Variants in FSHR observed in about 807,000 individuals in gnomAD.
FSHR encodes the protein follicle-stimulating hormone receptor.
Under a neutral mutation model 52.1 loss-of-function variants are expected in FSHR, and 46 were observed. That is an observed-to-expected ratio of 0.88 (90% CI 0.70 to 1.13). The LOEUF (loss-of-function observed/expected upper bound fraction) is 1.13, where lower values mean the gene tolerates loss of function less well. Ranked by LOEUF, FSHR falls within the 50% of genes most tolerant of loss-of-function variation. FSHR has a pLI of 0.00. For synonymous variants in FSHR, 399 were observed against 309.6 expected (o/e 1.29, Z -3.03); for missense variants, 964 against 834.6 (o/e 1.16, Z -1.91).
chr2:49,146,032 A>G (rs1467550910), intron 1 of FSHR, among the ~76,000 whole-genome samples: 1 of 152,064 alleles, frequency 6.6e-6, no homozygotes, highest in Non-Finnish European at 1.5e-5. Flanking sequence ...ATTTGAGGCC[A>G]AAATACAGAG....
chr2:49,097,257 A>C (rs1367051215), intron 1 of FSHR, among the ~76,000 whole-genome samples: 1 of 151,606 alleles, frequency 6.6e-6, no homozygotes, highest in Non-Finnish European at 1.5e-5. Flanking sequence ...ATTTTTTTTC[A>C]TTTGAGATTT....
intron 4 of FSHR, among the ~76,000 whole-genome samples, chr2:48,995,550 C>T (rs1020181985): frequency 6.6e-6 from 1 of 152,018 alleles, no homozygotes; most frequent in Non-Finnish European, 1.5e-5. Context: ...AACTTTAAAG[C>T]TAGTTAAAGA....
intron 2 of FSHR, among the ~76,000 whole-genome samples, chr2:49,031,168 A>G (rs913603528): frequency 4.6e-5 from 7 of 152,180 alleles, no homozygotes; most frequent in Admixed American, 3.9e-4. Flanking sequence ...AATGGCTCCT[A>G]TTGAGGATGG....
intron 1 of FSHR, among the ~76,000 whole-genome samples, chr2:49,127,858 TCTTCTTCTTCTTCTTCTTCTTCTTCTTC>T: frequency 2.8e-5 from 1 of 36,060 alleles, no homozygotes; most frequent in African/African-American, 2.3e-4. Context: ...TTCTTCTTCT[TCTTCTTCTTCTTCTTCTTCTTCTTCTTC>T]TTCTTCTTCT....
chr2:49,101,471 A>T (rs777315972), intron 1 of FSHR, among the ~76,000 whole-genome samples: 3 of 152,186 alleles, frequency 2.0e-5, no homozygotes, highest in Non-Finnish European at 2.9e-5. Context: ...GGGTACGATT[A>T]TAGCTAATTC....
intron 1 of FSHR, among the ~76,000 whole-genome samples, chr2:49,133,654 C>T (rs1012471680): frequency 1.3e-5 from 2 of 152,170 alleles, no homozygotes; most frequent in African/African-American, 4.8e-5. Context: ...CATCACACTA[C>T]CTGACTTCAA....
At chr2:49,055,282 C>T (rs1293869443) in intron 2 of FSHR, among the ~76,000 whole-genome samples, 1 of 150,476 alleles carries the variant, frequency 6.6e-6, no homozygotes, top group Non-Finnish European at 1.5e-5. Flanking sequence ...ATTGACCAAG[C>T]AGAAGAAAAA....
chr2:49,026,709 G>A (rs899360613), intron 2 of FSHR, among the ~76,000 whole-genome samples: 2 of 152,112 alleles, frequency 1.3e-5, no homozygotes, highest in African/African-American at 2.4e-5. Flanking sequence ...AAGGATGCCC[G>A]GTGCCCAACA....
At chr2:48,969,372 C>T (rs775289257) in intron 8 of FSHR, among the ~76,000 whole-genome samples, 4 of 152,168 alleles carry the variant, frequency 2.6e-5, no homozygotes, top group East Asian at 1.9e-4. Context: ...GTCTGGCAGG[C>T]GGTAGGGGCA....
chr2:49,006,070 C>G (rs559322980), intron 4 of FSHR, among the ~76,000 whole-genome samples: 1 of 152,234 alleles, frequency 6.6e-6, no homozygotes, highest in Admixed American at 6.5e-5. Context: ...ACATTAGACT[C>G]CAAGTTCTTC....
At chr2:49,046,473 A>G (rs1668658329) in intron 2 of FSHR, among the ~76,000 whole-genome samples, 1 of 152,208 alleles carries the variant, frequency 6.6e-6, no homozygotes, top group Non-Finnish European at 1.5e-5. Context: ...TTTGGCTTCA[A>G]CGTTCTCACT....
chr2:49,128,816 A>G (rs1030449981), intron 1 of FSHR, among the ~76,000 whole-genome samples: 3 of 152,164 alleles, frequency 2.0e-5, no homozygotes, highest in African/African-American at 4.8e-5. Flanking sequence ...GGACATGTGG[A>G]TAGGAAACTC....
At chr2:49,111,055 T>C (rs1671404264) in intron 1 of FSHR, among the ~76,000 whole-genome samples, 1 of 152,204 alleles carries the variant, frequency 6.6e-6, no homozygotes, top group Non-Finnish European at 1.5e-5. Context: ...TGTGGCCATG[T>C]GGCTTGACTG....
intron 1 of FSHR, among the ~76,000 whole-genome samples, chr2:49,078,752 C>T (rs989757795): frequency 2.6e-5 from 4 of 151,964 alleles, no homozygotes; most frequent in African/African-American, 9.7e-5. Flanking sequence ...CGATTAAACA[C>T]TAAAATAAAT....
At chr2:49,147,250 T>A (rs564667971) in intron 1 of FSHR, among the ~76,000 whole-genome samples, 31 of 152,142 alleles carry the variant, frequency 2.0e-4, no homozygotes, top group African/African-American at 6.7e-4. Context: ...TTAAAAATAA[T>A]TACTCTCTTT....
intron 1 of FSHR, among the ~76,000 whole-genome samples, chr2:49,134,520 A>G (rs943857199): frequency 6.6e-6 from 1 of 152,192 alleles, no homozygotes; most frequent in Non-Finnish European, 1.5e-5. Flanking sequence ...TTCCTCAGGG[A>G]TCTAGAACTA....
intron 1 of FSHR, among the ~76,000 whole-genome samples, chr2:49,090,675 A>G (rs1024689453): frequency 1.3e-5 from 2 of 152,222 alleles, no homozygotes; most frequent in Admixed American, 6.5e-5. Context: ...GTTTGACTAC[A>G]TAAAAAGTTG....
chr2:49,103,671 CA>C (rs1221313436), intron 1 of FSHR, among the ~76,000 whole-genome samples: 1 of 152,088 alleles, frequency 6.6e-6, no homozygotes, highest in East Asian at 1.9e-4. Flanking sequence ...AAATTGAGGG[CA>C]AAAATGGCAG....
chr2:49,025,416 C>G (rs1477338758), intron 2 of FSHR, among the ~76,000 whole-genome samples: 2 of 152,036 alleles, frequency 1.3e-5, no homozygotes, highest in Non-Finnish European at 2.9e-5. Flanking sequence ...AAAAAATAAA[C>G]TTTTGGTATA....
Sources: gnomAD v4.1 joint callset for allele counts (sites outside exome capture counted in the v4.1 genomes callset) on GRCh38, gnomAD v4.1.1 for gene constraint, MANE v1.5 for transcripts, NCBI Gene and HGNC (gene_info 2026-07-23, HGNC 2026-07-21) for gene names.